Variants in SULT2A1 observed in about 807,000 individuals in gnomAD.
The protein encoded by SULT2A1 is sulfotransferase 2A1.
Under a neutral mutation model 33.9 loss-of-function variants are expected in SULT2A1, and 43 were observed. That is an observed-to-expected ratio of 1.27 (90% confidence interval 1.00 to 1.64). The LOEUF (loss-of-function observed/expected upper bound fraction) is 1.64. SULT2A1 is among the 40% of genes most tolerant of loss of function. SULT2A1 has a pLI of 0.00. For synonymous variants in SULT2A1, 125 were observed against 113.6 expected (o/e 1.10, Z -0.64); for missense variants, 300 against 335.1 (o/e 0.90, Z 0.82).
At position 47,871,127 on chromosome 19, in the gene SULT2A1, A is replaced by G. The variant is rs945317520; in HGVS notation, c.*328T>C. 7 of 184,100 alleles carry G rather than the reference A, an allele frequency of 3.8e-5. No homozygotes were observed. The highest frequency in any genetic ancestry group is 7.7e-5 in the Non-Finnish European group (7 of 90,566). 11.4% of individuals were successfully genotyped at this position (184,100 alleles called of 1,614,324 possible). ...CTCCCAAAGTGCTGGGATTACAGAC[A>G]TGAGCCAATGCGCCTGGCTAATTTT... is the stretch of plus-strand genomic sequence containing the variant. On this transcript the variant is annotated 3_prime_UTR_variant, in exon 6 of 6. Transcript: ENST00000222002.
chr19:47,871,223 C>T lies in SULT2A1; in HGVS notation c.*232G>A. On this transcript the variant is annotated 3_prime_UTR_variant, in exon 6 of 6. Transcript: ENST00000222002. ...GCCAGGATGGTCTCAGTCTCCTGAC[C>T]TCGTGATCCGCCCGTCTCGGCCTCC... 2.1e-6 allele frequency: 1 copy of T among 469,314 alleles called. No individual in the cohort carries two copies. Among genetic ancestry groups the T allele is most frequent in the Non-Finnish European group, 3.8e-6 (1 of 264,122 alleles). The allele number at this position is 469,314 out of a possible 1,614,324, so 29.1% of individuals were successfully genotyped here. A position where few individuals can be genotyped will look rare whatever the true frequency, so the allele number is the denominator to read the frequency against.
chr19:47,879,161 T>G, intron 3 of SULT2A1, 31 bp from the exon 4 acceptor site: 3 of 1,376,942 alleles, frequency 2.2e-6, no homozygotes, highest in Non-Finnish European at 3.1e-6. Context: ...AGTGATAGGT[T>G]ACAAATTTTA....
chr19:47,872,657 AAC>A (rs1000780722), intron 5 of SULT2A1, among the ~76,000 whole-genome samples: 2 of 152,030 alleles, frequency 1.3e-5, no homozygotes, highest in African/African-American at 4.8e-5. Flanking sequence ...TTCGCCTCAT[AAC>A]ACATATCATG....
In SULT2A1 at chr19:47,883,576, C is replaced by T. The variant is rs773684296; in HGVS notation, c.345+1G>A. On this transcript the variant is annotated splice_donor_variant, in intron 2 of 5. Coordinates refer to ENST00000222002, the MANE Select transcript of SULT2A1 (RefSeq NM_003167.4). LOFTEE classifies it high-confidence loss of function. Reference sequence around the variant, plus strand: ...ACACGTCTTAACCATTATGCACTGACCTTGGCCTTGGAACTGAAGAAAGAC... The same window carrying T: ...ACACGTCTTAACCATTATGCACTGATCTTGGCCTTGGAACTGAAGAAAGAC... The T allele has an allele frequency of 3.5e-5, 56 of 1,613,818 alleles. No homozygotes were observed. Among genetic ancestry groups the T allele is most frequent in the Non-Finnish European group, 4.6e-5 (54 of 1,179,894 alleles).
intron 4 of SULT2A1, among the ~76,000 whole-genome samples, chr19:47,875,363 C>T (rs568417544): frequency 1.3e-5 from 2 of 151,602 alleles, no homozygotes; most frequent in African/African-American, 2.4e-5. Context: ...ATGGGTTGGG[C>T]GCCGTGGCTC....
chr19:47,875,092 G>T (rs1968530303), intron 4 of SULT2A1, among the ~76,000 whole-genome samples: 1 of 145,090 alleles, frequency 6.9e-6, no homozygotes, highest in Non-Finnish European at 1.5e-5. Context: ...AACCCAGGAG[G>T]TGGAGGGTGC....
rs1968490409 is a variant in SULT2A1 at position 47,871,335 on chromosome 19, T to C, written c.*120A>G. 1.3e-6 allele frequency: 1 copy of C among 781,560 alleles called. No individual in the cohort carries two copies. Among genetic ancestry groups the C allele is most frequent in the Non-Finnish European group, 2.1e-6 (1 of 478,082 alleles). 48.4% of individuals were successfully genotyped at this position (781,560 alleles called of 1,614,324 possible). ...AGGAAGGGATCAGAGATGCAGAGGT[T>C]TGATATTTAAGGTTTCAGGATAAAA... On this transcript the variant is annotated 3_prime_UTR_variant, in exon 6 of 6. Coordinates refer to ENST00000222002, the MANE Select transcript of SULT2A1 (RefSeq NM_003167.4).
At chr19:47,873,504 G>A (rs2122141091) in intron 5 of SULT2A1, among the ~76,000 whole-genome samples, 1 of 151,156 alleles carries the variant, frequency 6.6e-6, no homozygotes, top group Middle Eastern at 3.5e-3. Flanking sequence ...CCATGCAATA[G>A]ACATTTCCAT....
chr19:47,880,577 T>G (rs1021302597), intron 3 of SULT2A1, among the ~76,000 whole-genome samples: 8 of 39,784 alleles, frequency 2.0e-4, no homozygotes, highest in African/African-American at 8.2e-4. Flanking sequence ...TTATTATTAT[T>G]ATTATTATTA....
At chr19:47,880,439 C>G (rs1022091131) in intron 3 of SULT2A1, among the ~76,000 whole-genome samples, 3 of 151,736 alleles carry the variant, frequency 2.0e-5, no homozygotes, top group Middle Eastern at 3.2e-3. Context: ...GACACAAAGC[C>G]TAACCATATC....
chr19:47,884,546 A>G (rs1490389318), intron 1 of SULT2A1, among the ~76,000 whole-genome samples: 1 of 145,818 alleles, frequency 6.9e-6, no homozygotes, highest in Non-Finnish European at 1.5e-5. Flanking sequence ...TGGTGCAATT[A>G]TAGCCCACTG....
intron 5 of SULT2A1, among the ~76,000 whole-genome samples, chr19:47,871,912 C>CT (rs913475836): frequency 5.3e-5 from 8 of 151,584 alleles, no homozygotes; most frequent in African/African-American, 9.7e-5. Flanking sequence ...CTGGTCTCTG[C>CT]TTTTTTTTCT....
chr19:47,873,625 T>TA (rs1420931576), intron 5 of SULT2A1, among the ~76,000 whole-genome samples: 2 of 125,332 alleles, frequency 1.6e-5, no homozygotes, highest in Non-Finnish European at 3.4e-5. Flanking sequence ...TTTTTTTTTT[T>TA]TTTTTTTTTT....
At chr19:47,875,702 A>C (rs1448037141) in intron 4 of SULT2A1, among the ~76,000 whole-genome samples, 1 of 152,156 alleles carries the variant, frequency 6.6e-6, no homozygotes, top group African/African-American at 2.4e-5. Context: ...AGATGCAAGG[A>C]TCATCGTGGA....
chr19:47,872,454 C>T (rs1377435864), intron 5 of SULT2A1, among the ~76,000 whole-genome samples: 1 of 152,114 alleles, frequency 6.6e-6, no homozygotes, highest in African/African-American at 2.4e-5. Flanking sequence ...TCTGATTCTG[C>T]CTCAAACGTG....
chr19:47,877,780 G>A (rs1968561359), intron 4 of SULT2A1, among the ~76,000 whole-genome samples: 1 of 151,948 alleles, frequency 6.6e-6, no homozygotes, highest in Non-Finnish European at 1.5e-5. Context: ...CGAACTCCTG[G>A]ACTCAAGCCA....
At position 47,874,706 on chromosome 19, in the gene SULT2A1, G is replaced by A. The variant is rs201005620; in HGVS notation, c.696C>T (p.Ser232=). The change falls in exon 5 of 6, where the codon TCC becomes TCT. Residue 232 remains serine (S), a synonymous_variant. Coordinates refer to ENST00000222002, the MANE Select transcript of SULT2A1 (RefSeq NM_003167.4). ...SMKENKMSNY[S]LLSVDYVVDK... ...CCACTACATAATCAACACTCAGGAG[G>A]GAATAATTGGACATCTTGTTTTCTT... 92 of 1,614,092 alleles carry A rather than the reference G, an allele frequency of 5.7e-5. 1 individual carries two copies. The East Asian group carries it at 2.0e-3, about 36-fold the overall frequency.
intron 4 of SULT2A1, among the ~76,000 whole-genome samples, chr19:47,878,569 C>A (rs1968570838): frequency 7.0e-6 from 1 of 142,304 alleles, no homozygotes; most frequent in South Asian, 2.2e-4. Context: ...AGTGCAGTGG[C>A]ATGATCTTGG....
chr19:47,880,406 A>G (rs1968592364), intron 3 of SULT2A1, among the ~76,000 whole-genome samples: 1 of 151,952 alleles, frequency 6.6e-6, no homozygotes, highest in Non-Finnish European at 1.5e-5. Context: ...GGGGATTACA[A>G]TTCGAGATGA....
Sources: allele counts gnomAD v4.1 joint callset (sites outside exome capture counted in the v4.1 genomes callset), GRCh38; gene constraint gnomAD v4.1.1; transcripts MANE v1.5; gene names NCBI Gene and HGNC (gene_info 2026-07-23, HGNC 2026-07-21).